Variants in CDC42EP5 observed in about 807,000 individuals in gnomAD.
The protein encoded by CDC42EP5 is CDC42 effector protein 5, also known as CDC42 effector protein (Rho GTPase binding) 5.
For synonymous variants in CDC42EP5, 118 were observed against 123.3 expected, an observed-to-expected ratio of 0.96 and a Z score of 0.28; for missense variants, 269 against 238.0, an observed-to-expected ratio of 1.13 and a Z score of -0.86.
chr19:54,465,930 C>G (rs1432250703), intron 2 of CDC42EP5, among the ~76,000 whole-genome samples: 1 of 152,128 alleles, frequency 6.6e-6, no homozygotes, highest in Non-Finnish European at 1.5e-5. Flanking sequence ...CCACCGCGCC[C>G]GGCCTCCCGT....
At chr19:54,468,086 A>G (rs911207665) in intron 2 of CDC42EP5, among the ~76,000 whole-genome samples, 1 of 152,218 alleles carries the variant, frequency 6.6e-6, no homozygotes, top group Non-Finnish European at 1.5e-5. Flanking sequence ...TTCAGGATAC[A>G]TAGAAAAGTC....
chr19:54,468,396 A>G (rs929228599), intron 2 of CDC42EP5, among the ~76,000 whole-genome samples: 1 of 151,994 alleles, frequency 6.6e-6, no homozygotes, highest in African/African-American at 2.4e-5. Flanking sequence ...ATTGATTTCC[A>G]TGGGGAAACC....
At chr19:54,467,469 G>C (rs1297604953) in intron 2 of CDC42EP5, among the ~76,000 whole-genome samples, 1 of 150,008 alleles carries the variant, frequency 6.7e-6, no homozygotes, top group Non-Finnish European at 1.5e-5. Context: ...AAAATAAAAA[G>C]CCCTATGTTA....
chr19:54,465,828 T>C (rs2084750210), intron 2 of CDC42EP5, among the ~76,000 whole-genome samples: 1 of 151,134 alleles, frequency 6.6e-6, no homozygotes, highest in South Asian at 2.1e-4. Flanking sequence ...AGAGACGGGG[T>C]TTCACAATGT....
Position 54,465,483 on chromosome 19 carries a change from G to C in CDC42EP5, c.65C>G (p.Ser22Cys). The part of the protein sequence containing the change: ...PKKRPDRGAL[S>C]ISAPLGDFRH... Reference sequence around the variant, plus strand: ...GAAGTCGCCGAGCGGCGCGGAGATGGACAGGGCGCCGCGATCAGGCCGCTT... The same window carrying C: ...GAAGTCGCCGAGCGGCGCGGAGATGCACAGGGCGCCGCGATCAGGCCGCTT... The change falls in exon 3 of 3, where the codon TCC becomes TGC. Residue 22 changes from serine (S) to cysteine (C), a missense_variant. Transcript: ENST00000301200. 6.5e-7 allele frequency: 1 copy of C among 1,534,608 alleles called. No individual in the cohort carries two copies. Among genetic ancestry groups the C allele is most frequent in the Non-Finnish European group, 8.7e-7 (1 of 1,153,134 alleles).
rs1237054358 is a variant in CDC42EP5, at chr19:54,471,603, C to G, written c.-59G>C. ...CTCACGACTCCAGCTCTAGCCCGGA[C>G]CCCTGGTTCCCTGGCTCCGAGTCCG... On this transcript the variant is annotated 5_prime_UTR_variant, in exon 2 of 3. Transcript: ENST00000301200. 2 of 152,210 alleles carry G rather than the reference C, an allele frequency of 1.3e-5. No homozygotes were observed. Among genetic ancestry groups the G allele is most frequent in the African/African-American group, 4.8e-5 (2 of 41,422 alleles). 9.4% of individuals were successfully genotyped at this position (152,210 alleles called of 1,614,324 possible).
chr19:54,467,526 A>G (rs1209049757), intron 2 of CDC42EP5, among the ~76,000 whole-genome samples: 1 of 150,750 alleles, frequency 6.6e-6, no homozygotes, highest in African/African-American at 2.4e-5. Flanking sequence ...CAGCATCTGC[A>G]TTGTAAACTA....
intron 2 of CDC42EP5, among the ~76,000 whole-genome samples, chr19:54,465,760 C>T (rs1420640386): frequency 6.6e-6 from 1 of 152,136 alleles, no homozygotes; most frequent in Non-Finnish European, 1.5e-5. Flanking sequence ...CTCAGTCTCC[C>T]GAGTAGCTGG....
At chr19:54,468,922 T>TCCTTCCTTC (rs1491162621) in intron 2 of CDC42EP5, among the ~76,000 whole-genome samples, 9 of 148,492 alleles carry the variant, frequency 6.1e-5, no homozygotes, top group African/African-American at 7.5e-5. Context: ...CTTCCTTCCT[T>TCCTTCCTTC]CTTTCTTTCT....
intron 2 of CDC42EP5, among the ~76,000 whole-genome samples, chr19:54,470,564 G>T (rs1055853738): frequency 1.3e-5 from 2 of 152,002 alleles, no homozygotes; most frequent in African/African-American, 4.8e-5. Flanking sequence ...AAGAAGGAAA[G>T]AAAGAAAGGG....
At chr19:54,471,398 G>C (rs967527150) in intron 2 of CDC42EP5, 147 bp downstream of exon 2, 2 of 152,002 alleles carry the variant, frequency 1.3e-5, no homozygotes, top group East Asian at 3.9e-4. Flanking sequence ...CGGTGCAGCC[G>C]GGTCGGGGGA....
intron 2 of CDC42EP5, among the ~76,000 whole-genome samples, chr19:54,471,256 C>T (rs2084832192): frequency 6.6e-6 from 1 of 152,096 alleles, no homozygotes; most frequent in Admixed American, 6.5e-5. Context: ...TGGGGCAGGG[C>T]CACGGCTCCA....
At chr19:54,470,540 AAAAGAAAGAAAAAAAGAAGG>A in intron 2 of CDC42EP5, among the ~76,000 whole-genome samples, 1 of 151,854 alleles carries the variant, frequency 6.6e-6, no homozygotes, top group African/African-American at 2.4e-5. Context: ...GAAGGAAGGA[AAAAGAAAGAAAAAAAGAAGG>A]AAAGAAAGAA....
At chr19:54,467,770 G>A (rs567246978) in intron 2 of CDC42EP5, among the ~76,000 whole-genome samples, 31 of 152,282 alleles carry the variant, frequency 2.0e-4, no homozygotes, top group African/African-American at 5.3e-4. Context: ...TGATCCGCCT[G>A]CCTTGGCCTC....
chr19:54,465,724 C>A (rs1200398948), intron 2 of CDC42EP5, among the ~76,000 whole-genome samples, 177 bp from the exon 3 acceptor site: 1 of 152,212 alleles, frequency 6.6e-6, no homozygotes, highest in East Asian at 1.9e-4. Flanking sequence ...CAACCTCCGC[C>A]TCCCGGGTTC....
chr19:54,465,585 CG>C, intron 2 of CDC42EP5, 38 bp from the exon 3 acceptor site: 1 of 1,419,138 alleles, frequency 7.0e-7, no homozygotes, highest in Non-Finnish European at 9.1e-7. Flanking sequence ...GGCCCCAGCC[CG>C]GGGCTCGCAG....
intron 1 of CDC42EP5, among the ~76,000 whole-genome samples, chr19:54,472,440 C>T (rs2084855984): frequency 3.1e-5 from 2 of 63,914 alleles, no homozygotes; most frequent in Admixed American, 1.4e-4. Flanking sequence ...CCCATCCCCT[C>T]CTCCCTCAGA....
intron 1 of CDC42EP5, 122 bp downstream of exon 1, chr19:54,472,942 T>C (rs1193261063): frequency 1.4e-4 from 4 of 28,930 alleles, no homozygotes; most frequent in African/African-American, 2.6e-4. Flanking sequence ...CTCAGACTCA[T>C]GAGTCCAGAC....
rs945604037 is a variant in CDC42EP5 at position 54,471,847 on chromosome 19, C to A, written c.-141-162G>T. 3.0e-3 allele frequency among the ~76,000 whole-genome samples: 449 copies of A among 151,470 alleles called. 7 individuals carry two copies. The highest frequency in any genetic ancestry group is 2.3e-3 in the South Asian group (11 of 4,782). On this transcript the variant is annotated intron_variant, in intron 1 of 2. Coordinates refer to ENST00000301200, the MANE Select transcript of CDC42EP5 (RefSeq NM_145057.4). ...GAAAGTCAGGGGCCCCCAGCCCCTT[C>A]TTCCTCAGACCCAGGGGTCAAGACC...
Sources: gnomAD v4.1 joint callset for allele counts (sites outside exome capture counted in the v4.1 genomes callset) on GRCh38, gnomAD v4.1.1 for gene constraint, MANE v1.5 for transcripts, NCBI Gene and HGNC (gene_info 2026-07-23, HGNC 2026-07-21) for gene names.